KLF8: variants seen among roughly 807,000 people sequenced by gnomAD.
KLF8 encodes KLF transcription factor 8.
Under a neutral mutation model 18.2 loss-of-function variants are expected in KLF8, and 10 were observed. The observed-to-expected ratio is 0.55, with a 90% CI of 0.34 to 0.93. KLF8 has a LOEUF of 0.93. KLF8 is among the 40% of genes least tolerant of loss of function. The pLI is 0.02. For synonymous variants in KLF8, 109 were observed against 97.3 expected (o/e 1.12, Z -0.71); for missense variants, 264 against 277.9 (o/e 0.95, Z 0.36).
chrX:56,198,490 T>G, the KLF8 span, among the ~76,000 whole-genome samples: 1 of 111,794 alleles, frequency 8.9e-6, no homozygotes, highest in Non-Finnish European at 1.9e-5. Context: ...CTTTCACAAT[T>G]GCTACAAAGA....
At chrX:56,042,610 T>C in the KLF8 span, among the ~76,000 whole-genome samples, 1 of 112,378 alleles carries the variant, frequency 8.9e-6, no homozygotes, top group African/African-American at 3.2e-5. Context: ...TTTGTCTTTT[T>C]AAATCTTTGT....
At chrX:56,145,686 T>C in the KLF8 span, among the ~76,000 whole-genome samples, 1 of 112,235 alleles carries the variant, frequency 8.9e-6, no homozygotes, top group Admixed American at 9.4e-5. Flanking sequence ...TTGTGCTACA[T>C]GTATACATAT....
chrX:56,013,657 G>A, the KLF8 span, among the ~76,000 whole-genome samples: 1 of 110,943 alleles, frequency 9.0e-6, no homozygotes, highest in African/African-American at 3.3e-5. Context: ...ATGATAGTGA[G>A]TTAGTGCTCA....
chrX:56,270,025 TG>T (rs1292129923), intron 4 of KLF8, among the ~76,000 whole-genome samples, 156 bp from the exon 5 acceptor site: 8 of 111,630 alleles, frequency 7.2e-5, no homozygotes, highest in Admixed American at 2.9e-4. Flanking sequence ...TTGACAGAAT[TG>T]TTTTTACTAT....
chrX:55,979,647 T>C, the KLF8 span, among the ~76,000 whole-genome samples: 1 of 112,151 alleles, frequency 8.9e-6, no homozygotes, highest in Non-Finnish European at 1.9e-5. Flanking sequence ...ATAAAGGCTG[T>C]AATGGAAGGA....
chrX:56,124,198 C>T, the KLF8 span, among the ~76,000 whole-genome samples: 2 of 111,703 alleles, frequency 1.8e-5, no homozygotes, highest in African/African-American at 3.3e-5. Flanking sequence ...ATGCTTTTTA[C>T]ACTCATGCTA....
At chrX:56,086,377 C>G in the KLF8 span, among the ~76,000 whole-genome samples, 1 of 111,134 alleles carries the variant, frequency 9.0e-6, no homozygotes, top group Non-Finnish European at 1.9e-5. Context: ...CCTTTGAGTT[C>G]CATCCAATCG....
chrX:56,050,598 T>C, the KLF8 span, among the ~76,000 whole-genome samples: 2 of 112,550 alleles, frequency 1.8e-5, no homozygotes, highest in Non-Finnish European at 3.8e-5. Flanking sequence ...TTCTTAATCC[T>C]GAGTTCTAGT....
the KLF8 span, among the ~76,000 whole-genome samples, chrX:56,130,190 A>G: frequency 9.0e-6 from 1 of 111,495 alleles, no homozygotes; most frequent in African/African-American, 3.3e-5. Context: ...ACCTCCTGGC[A>G]GGAGGCCAAC....
intron 3 of KLF8, 126 bp from the exon 4 acceptor site, chrX:56,269,252 G>GT (rs1450306303): frequency 1.5e-5 from 16 of 1,044,670 alleles, no homozygotes; most frequent in South Asian, 3.0e-5. Context: ...CTTTCATCTT[G>GT]TTTTTTATTT....
At chrX:56,181,671 C>A in the KLF8 span, among the ~76,000 whole-genome samples, 7 of 111,327 alleles carry the variant, frequency 6.3e-5, no homozygotes, top group Non-Finnish European at 1.1e-4. Flanking sequence ...GTGACAAAAT[C>A]TTTCGGCATT....
chrX:56,238,509 T>G (rs1017000968), intron 1 of KLF8, among the ~76,000 whole-genome samples: 13 of 111,862 alleles, frequency 1.2e-4, no homozygotes, highest in Admixed American at 1.1e-3. Flanking sequence ...TTCCAGTTTC[T>G]TTTGACTAAT....
chrX:56,239,822 TA>T (rs1264034828), intron 1 of KLF8, among the ~76,000 whole-genome samples: 1 of 112,232 alleles, frequency 8.9e-6, no homozygotes, highest in South Asian at 3.7e-4. Flanking sequence ...TGTTTTCTTT[TA>T]AAAAAATTGG....
chrX:56,109,853 T>G, the KLF8 span, among the ~76,000 whole-genome samples: 2 of 110,880 alleles, frequency 1.8e-5, no homozygotes, highest in African/African-American at 6.6e-5. Context: ...GATAAACACG[T>G]GCCATCGTGG....
At chrX:55,946,552 T>C in the KLF8 span, among the ~76,000 whole-genome samples, 4 of 111,551 alleles carry the variant, frequency 3.6e-5, no homozygotes, top group African/African-American at 1.3e-4. Flanking sequence ...AACCTAGGCA[T>C]TACCATTCAG....
At chrX:55,945,484 T>C in the KLF8 span, among the ~76,000 whole-genome samples, 27 of 109,852 alleles carry the variant, frequency 2.5e-4, no homozygotes, top group African/African-American at 8.6e-4. Context: ...TTGTAGGTCG[T>C]ATCTCAAAAT....
the KLF8 span, among the ~76,000 whole-genome samples, chrX:56,099,286 A>C: frequency 9.0e-6 from 1 of 111,598 alleles, no homozygotes; most frequent in Admixed American, 9.6e-5. Flanking sequence ...GGGCACCAAG[A>C]ACTGCACCCA....
chrX:56,245,529 G>A (rs768132387), intron 1 of KLF8, among the ~76,000 whole-genome samples: 1 of 111,912 alleles, frequency 8.9e-6, no homozygotes, highest in Admixed American at 9.5e-5. Flanking sequence ...ACCCACTGGC[G>A]ATGGGACTCA....
At chrX:56,104,302 T>G in the KLF8 span, among the ~76,000 whole-genome samples, 6 of 111,586 alleles carry the variant, frequency 5.4e-5, no homozygotes, top group Non-Finnish European at 1.1e-4. Flanking sequence ...CAGCTCCTCC[T>G]TGTACCTCTG....
Sources: gnomAD v4.1 joint callset for allele counts (sites outside exome capture counted in the v4.1 genomes callset) on GRCh38, gnomAD v4.1.1 for gene constraint, MANE v1.5 for transcripts, NCBI Gene and HGNC (gene_info 2026-07-23, HGNC 2026-07-21) for gene names.